Variants in CEL observed in about 807,000 individuals in gnomAD.
CEL encodes the protein bile salt-activated lipase.
Under a neutral mutation model 57.1 loss-of-function variants are expected in CEL, and 39 were observed. The observed-to-expected ratio is 0.68, with a 90% CI of 0.53 to 0.89. The LOEUF is 0.89. Ranked by LOEUF, CEL falls within the 40% of genes least tolerant of loss-of-function variation. The probability of loss-of-function intolerance (pLI) is 0.00; values close to 1 mark genes in which losing one functional copy is unlikely to be tolerated. For synonymous variants in CEL, 314 were observed against 396.6 expected (o/e 0.79, Z 2.48); for missense variants, 698 against 915.0 (o/e 0.76, Z 3.06).
At position 133,065,013 on chromosome 9, in the gene CEL, G is replaced by A. The variant is rs374942881; in HGVS notation, c.341-27G>A. 1.3e-5 allele frequency: 21 copies of A among 1,605,202 alleles called. No homozygotes were observed. The African/African-American group carries it at 2.5e-4, about 19-fold the overall frequency. On this transcript the variant is annotated intron_variant, in intron 3 of 10. Transcript: ENST00000372080. The stretch of plus-strand genomic sequence containing the variant: ...GAGACAGGGCCAGGCGGGGCGTCTG[G>A]GGTCACCAGCCGCTCCCCCATCTCA...
rs8193022 is a variant in CEL, at chr9:133,071,602, C to G, written c.2100C>G (p.Ala700=). The G allele has an allele frequency of 4.9e-6, 7 of 1,430,782 alleles. No individual in the cohort carries two copies. Among genetic ancestry groups the G allele is most frequent in the Non-Finnish European group, 6.6e-6 (7 of 1,053,288 alleles). The allele number at this position is 1,430,782 out of a possible 1,614,324, so 88.6% of individuals were successfully genotyped here. The change falls in exon 11 of 11, where the codon GCC becomes GCG. Residue 700 remains alanine, a synonymous_variant. Coordinates refer to ENST00000372080, the MANE Select transcript of CEL (RefSeq NM_001807.6). ...PPVPPTGDSG[A]PPVTPTGDSE... ...TGCCGCCCACGGGTGACTCCGGGGC[C>G]CCCCCCGTGACCCCCACGGGTGACT... is the stretch of plus-strand genomic sequence containing the variant.
chr9:133,064,820 A>G, intron 3 of CEL, 58 bp downstream of exon 3: 2 of 1,611,028 alleles, frequency 1.2e-6, no homozygotes, highest in African/African-American at 1.3e-5. Context: ...CCCCGGGTCT[A>G]CTCCTGGCTT....
At chr9:133,063,388 C>T (rs2855055) in intron 1 of CEL, among the ~76,000 whole-genome samples, 1 of 152,188 alleles carries the variant, frequency 6.6e-6, no homozygotes, top group Non-Finnish European at 1.5e-5. Context: ...GCTTCTGGTT[C>T]CTTTCCTCCA....
At chr9:133,067,290 G>A in intron 7 of CEL, 85 bp downstream of exon 7, 3 of 1,238,022 alleles carry the variant, frequency 2.4e-6, no homozygotes, top group Non-Finnish European at 3.5e-6. Flanking sequence ...GAGGAGAGAG[G>A]AAGGTGCCAG....
intron 7 of CEL, 108 bp downstream of exon 7, chr9:133,067,313 G>C: frequency 1.0e-6 from 1 of 995,720 alleles, no homozygotes. Flanking sequence ...CTGCGGTCTT[G>C]TCCTGTCACC....
chr9:133,070,101 G>A (rs1830238005), intron 9 of CEL, among the ~76,000 whole-genome samples: 1 of 151,460 alleles, frequency 6.6e-6, no homozygotes, highest in Middle Eastern at 3.4e-3. Context: ...TTAGCTGTGA[G>A]CCTCCTTTCA....
Position 133,065,112 on chromosome 9 carries a change from A to G in CEL, c.413A>G (p.Asn138Ser), listed in dbSNP as rs1830155313. Reference sequence around the variant, plus strand: ...CTCATGGGGTCCGGCCATGGGGCCAACTTCCTCAACAACTACCTGTATGAC... The same window carrying G: ...CTCATGGGGTCCGGCCATGGGGCCAGCTTCCTCAACAACTACCTGTATGAC... ...AFLMGSGHGA[N>S]FLNNYLYDGE... is the part of the protein sequence containing the mutation. Residue 138 changes from asparagine to serine, a missense_variant, in exon 4 of 11, where the codon AAC (asparagine) becomes AGC (serine). Around this residue, in one of 6 missense-constraint regions of CEL, gnomAD observed 327 missense variants for 374.1 expected, o/e 0.87. Coordinates refer to ENST00000372080, the MANE Select transcript of CEL (RefSeq NM_001807.6). The G allele has an allele frequency of 3.7e-6, 6 of 1,613,880 alleles. No homozygotes were observed. Among genetic ancestry groups the G allele is most frequent in the Non-Finnish European group, 5.1e-6 (6 of 1,180,044 alleles).
chr9:133,063,827 G>A (rs1486805288), intron 1 of CEL, among the ~76,000 whole-genome samples: 1 of 152,150 alleles, frequency 6.6e-6, no homozygotes, highest in Non-Finnish European at 1.5e-5. Flanking sequence ...CCAGCAGGGG[G>A]CTCAGGAACT....
Position 133,071,783 on chromosome 9 carries a change from A to C in CEL, c.*19A>C. The C allele has an allele frequency of 6.2e-7, 1 of 1,609,924 alleles. No individual in the cohort carries two copies. Among genetic ancestry groups the C allele is most frequent in the Non-Finnish European group, 8.5e-7 (1 of 1,177,564 alleles). ...GTTTTAGCGTCCCATGAGCCTTGGTATCAAGAGGCCACAAGAGTGGGACCC... is the reference window on the plus strand; with the variant it reads ...GTTTTAGCGTCCCATGAGCCTTGGTCTCAAGAGGCCACAAGAGTGGGACCC... On this transcript the variant is annotated 3_prime_UTR_variant, in exon 11 of 11. Coordinates refer to ENST00000372080, the MANE Select transcript of CEL (RefSeq NM_001807.6).
In CEL at chr9:133,066,971, C is replaced by T. The variant is rs200036978; in HGVS notation, c.777+26C>T. On this transcript the variant is annotated intron_variant, in intron 6 of 10. Coordinates refer to ENST00000372080, the MANE Select transcript of CEL (RefSeq NM_001807.6). This position sits in a 1 kb window ranked among gnomAD's most constrained non-coding sequence, Gnocchi z 4.3. ...GTAAACGGAGGAGGGCAGGGCTGGG[C>T]GGGGTGGGGGCTGTCCACATTTCCG... 8.7e-5 allele frequency: 50 copies of T among 571,678 alleles called. No homozygotes were observed. Among genetic ancestry groups the T allele is most frequent in the Admixed American group, 5.3e-4 (21 of 39,330 alleles). The allele number at this position is 571,678 out of a possible 1,614,324, so 35.4% of individuals were successfully genotyped here. A position where few individuals can be genotyped will look rare whatever the true frequency, so the allele number is the denominator to read the frequency against.
chr9:133,071,704 C>G lies in CEL; in HGVS notation c.2202C>G (p.Ala734=), dbSNP rs773166072. Residue 734 remains alanine (A), a synonymous_variant, in exon 11 of 11, where the codon GCC becomes GCG. Coordinates refer to ENST00000372080, the MANE Select transcript of CEL (RefSeq NM_001807.6). ...PVPPTGDSEA[A]PVPPTDDSKE... is the part of the protein sequence containing the mutation. ...CCCCCACGGGTGACTCTGAGGCTGC[C>G]CCTGTGCCCCCCACAGATGACTCCA... 3.7e-6 allele frequency: 6 copies of G among 1,610,780 alleles called. No individual in the cohort carries two copies. The African/African-American group carries it at 8.0e-5, about 22-fold the overall frequency.
chr9:133,066,888 C>T lies in CEL; in HGVS notation c.720C>T (p.Ser240=), dbSNP rs773198000. The change falls in exon 6 of 11, where the codon AGC becomes AGT. Residue 240 remains serine (S), a synonymous_variant. Transcript: ENST00000372080. The surrounding 1 kb of genome is among the most constrained non-coding windows in gnomAD (Gnocchi z 4.3). ...TCATCCGGCGAGCCATCAGCCAGAG[C>T]GGCGTGGCCCTGAGTCCCTGGGTCA... ...KGLIRRAISQ[S]GVALSPWVIQ... 4.0e-5 allele frequency: 56 copies of T among 1,404,026 alleles called. No individual in the cohort carries two copies. Among genetic ancestry groups the T allele is most frequent in the East Asian group, 1.2e-4 (3 of 25,360 alleles). 87.0% of individuals were successfully genotyped at this position (1,404,026 alleles called of 1,614,324 possible).
At chr9:133,069,694 GAC>G in intron 9 of CEL, among the ~76,000 whole-genome samples, 1 of 152,140 alleles carries the variant, frequency 6.6e-6, no homozygotes, top group African/African-American at 2.4e-5. Flanking sequence ...AATAAGGCCA[GAC>G]ACAGTAGCTC....
At position 133,071,705 on chromosome 9, in the gene CEL, C is replaced by A. The variant is rs760555633; in HGVS notation, c.2203C>A (p.Pro735Thr). 8 of 1,611,058 alleles carry A rather than the reference C, an allele frequency of 5.0e-6. No individual in the cohort carries two copies. The South Asian group carries it at 8.8e-5, about 18-fold the overall frequency. The change falls in exon 11 of 11, where the codon CCT becomes ACT. Residue 735 changes from proline to threonine, a missense_variant. Pro to Thr is a conservative substitution (Grantham distance 38). Around this residue, in one of 6 missense-constraint regions of CEL, gnomAD observed 238 missense variants for 213.7 expected, o/e 1.11. Transcript: ENST00000372080. The stretch of plus-strand genomic sequence containing the variant: ...CCCCACGGGTGACTCTGAGGCTGCC[C>A]CTGTGCCCCCCACAGATGACTCCAA... Reference protein sequence around the residue: ...VPPTGDSEAAPVPPTDDSKEA... With the variant: ...VPPTGDSEAATVPPTDDSKEA...
At position 133,067,127 on chromosome 9, in the gene CEL, A is replaced by G. The variant is rs1449983354; in HGVS notation, c.817A>G (p.Arg273Gly). ...GGGTTGCCCTGTGGGTGATGCCGCC[A>G]GGATGGCCCAGTGTCTGAAGGTTAC... ...KVGCPVGDAA[R>G]MAQCLKVTDP... The change falls in exon 7 of 11, where the codon AGG becomes GGG. Residue 273 changes from arginine to glycine, a missense_variant. Transcript: ENST00000372080. 6.2e-7 allele frequency: 1 copy of G among 1,614,162 alleles called. No homozygotes were observed. Among genetic ancestry groups the G allele is most frequent in the South Asian group, 1.1e-5 (1 of 91,086 alleles).
intron 1 of CEL, among the ~76,000 whole-genome samples, chr9:133,063,821 C>A (rs1265294497): frequency 6.6e-6 from 1 of 152,030 alleles, no homozygotes; most frequent in Admixed American, 6.5e-5. Flanking sequence ...TCTTTACCAG[C>A]AGGGGGCTCA....
At chr9:133,065,889 A>C (rs1830171309) in intron 4 of CEL, among the ~76,000 whole-genome samples, 1 of 149,410 alleles carries the variant, frequency 6.7e-6, no homozygotes, top group Non-Finnish European at 1.5e-5. Context: ...GTGGTATCTC[A>C]TGCCTCTGTC....
rs1345401473 is a variant in CEL at position 133,067,778 on chromosome 9, A to G, written c.895+573A>G. Reference sequence around the variant, plus strand: ...CATGCATTCATATGCAGTCATTTGCATATAATTTTAGGGAGACTCATAGAC... The same window carrying G: ...CATGCATTCATATGCAGTCATTTGCGTATAATTTTAGGGAGACTCATAGAC... On this transcript the variant is annotated intron_variant, in intron 7 of 10. Coordinates refer to ENST00000372080, the MANE Select transcript of CEL (RefSeq NM_001807.6). Among the ~76,000 whole-genome samples, 7 of 152,114 alleles carry G rather than the reference A, an allele frequency of 4.6e-5. No homozygotes were observed. The East Asian group carries it at 1.4e-3, about 29-fold the overall frequency.
rs763164841 is a variant in CEL at position 133,065,238 on chromosome 9, G to A, written c.538+1G>A. 1 of 1,612,554 alleles carries A rather than the reference G, an allele frequency of 6.2e-7. No individual in the cohort carries two copies. The highest frequency in any genetic ancestry group is 1.1e-5 in the South Asian group (1 of 91,090). ...AGCACTGGGGACGCCAATCTGCCAG[G>A]TGCGTGGGTGCCTTCGGCCCTGAGG... On this transcript the variant is annotated splice_donor_variant, in intron 4 of 10. Coordinates refer to ENST00000372080, the MANE Select transcript of CEL (RefSeq NM_001807.6). LOFTEE classifies it high-confidence loss of function.
Sources: gnomAD v4.1 joint callset for allele counts (sites outside exome capture counted in the v4.1 genomes callset) on GRCh38, gnomAD v4.1.1 for gene constraint, gnomAD v4.1.1 regional missense constraint, Gnocchi (gnomAD v3.1) non-coding constraint, MANE v1.5 for transcripts, NCBI Gene and HGNC (gene_info 2026-07-23, HGNC 2026-07-21) for gene names.